LRMDA: variants seen among roughly 807,000 people sequenced by gnomAD.
The protein encoded by LRMDA is leucine-rich melanocyte differentiation-associated protein.
Under a neutral mutation model 29.8 loss-of-function variants are expected in LRMDA, and 18 were observed. The ratio of observed to expected loss-of-function variants is 0.60; its 90% CI spans 0.42 to 0.90. LRMDA has a LOEUF of 0.90. LRMDA is among the 40% of genes least tolerant of loss of function. The pLI is 0.00. For synonymous variants in LRMDA, 125 were observed against 109.4 expected (o/e 1.14, Z -0.89); for missense variants, 273 against 273.9 (o/e 1.00, Z 0.02).
intron 2 of LRMDA, among the ~76,000 whole-genome samples, chr10:75,893,084 G>A (rs1845521275): frequency 6.6e-6 from 1 of 152,218 alleles, no homozygotes; most frequent in African/African-American, 2.4e-5. Context: ...TTGGACTCGT[G>A]TGATAGGAAT....
intron 2 of LRMDA, among the ~76,000 whole-genome samples, chr10:75,891,874 T>C (rs1845497960): frequency 6.6e-6 from 1 of 152,144 alleles, no homozygotes; most frequent in Admixed American, 6.5e-5. Context: ...TCTGGACATA[T>C]TAAACTGGAG....
intron 5 of LRMDA, among the ~76,000 whole-genome samples, chr10:76,136,032 C>T (rs1027390819): frequency 1.3e-5 from 2 of 152,074 alleles, no homozygotes; most frequent in African/African-American, 2.4e-5. Context: ...AAGCAGGAGT[C>T]GTGTCATGTC....
intron 5 of LRMDA, among the ~76,000 whole-genome samples, chr10:76,090,085 G>A (rs1341767201): frequency 6.6e-6 from 1 of 152,172 alleles, no homozygotes; most frequent in Non-Finnish European, 1.5e-5. Context: ...GAGGAGAGAC[G>A]TCCTGAGATA....
At chr10:75,527,047 A>G (rs1192735306) in intron 2 of LRMDA, among the ~76,000 whole-genome samples, 1 of 152,036 alleles carries the variant, frequency 6.6e-6, no homozygotes, top group African/African-American at 2.4e-5. Flanking sequence ...CCCTCCCTCT[A>G]ACTCCTGGCA....
chr10:75,481,892 C>A (rs145697880), intron 2 of LRMDA, among the ~76,000 whole-genome samples: 1 of 152,170 alleles, frequency 6.6e-6, no homozygotes, highest in Non-Finnish European at 1.5e-5. Context: ...CTTACCCCCA[C>A]CTTTCCACCT....
chr10:76,262,584 G>A (rs1388941196), intron 5 of LRMDA, among the ~76,000 whole-genome samples: 10 of 152,112 alleles, frequency 6.6e-5, no homozygotes, highest in Admixed American at 5.9e-4. Context: ...ATATGTGTTC[G>A]GCACCTACAT....
At chr10:76,008,807 C>T (rs1213677066) in intron 2 of LRMDA, among the ~76,000 whole-genome samples, 1 of 152,250 alleles carries the variant, frequency 6.6e-6, no homozygotes, top group Non-Finnish European at 1.5e-5. Context: ...TTTCCTTAAA[C>T]ATAGTCATGG....
chr10:75,727,032 G>A (rs552290194), intron 2 of LRMDA, among the ~76,000 whole-genome samples: 10 of 152,292 alleles, frequency 6.6e-5, no homozygotes, highest in South Asian at 2.1e-4. Context: ...CACCTTTGAC[G>A]TTCCCAGTAA....
At chr10:75,996,874 A>G (rs1200468400) in intron 2 of LRMDA, among the ~76,000 whole-genome samples, 2 of 151,692 alleles carry the variant, frequency 1.3e-5, no homozygotes, top group Non-Finnish European at 2.9e-5. Flanking sequence ...CTGAGACTAC[A>G]GGCGCCCGCC....
At chr10:76,269,633 C>G (rs532737432) in intron 5 of LRMDA, among the ~76,000 whole-genome samples, 36 of 152,200 alleles carry the variant, frequency 2.4e-4, no homozygotes, top group African/African-American at 8.4e-4. Context: ...TTTGAAAGTT[C>G]CCTGGTCCCT....
intron 4 of LRMDA, among the ~76,000 whole-genome samples, chr10:76,054,120 A>G (rs1589305640): frequency 1.3e-5 from 2 of 152,196 alleles, no homozygotes; most frequent in African/African-American, 4.8e-5. Context: ...TAGCTGTTCC[A>G]TAATTATTGT....
At position 75,469,194 on chromosome 10, in the gene LRMDA, GA is replaced by G. The variant is rs201950116; in HGVS notation, c.131+30709del. On this transcript the variant is annotated intron_variant, in intron 2 of 6. Coordinates refer to ENST00000611255, the MANE Select transcript of LRMDA (RefSeq NM_001305581.2). ...CAAGAAATCTGCTGACATTTTAAAG[GA>G]AAAAAAAAGAGAGAGATGATTTATG... Among the ~76,000 whole-genome samples the G allele has an allele frequency of 1.8e-3, 264 of 150,030 alleles. 1 individual carries two copies. Among genetic ancestry groups the G allele is most frequent in the Middle Eastern group, 3.4e-3 (1 of 290 alleles).
chr10:76,369,967 A>G (rs1841433860), intron 6 of LRMDA, among the ~76,000 whole-genome samples: 1 of 152,176 alleles, frequency 6.6e-6, no homozygotes, highest in African/African-American at 2.4e-5. Context: ...GACAAATAAC[A>G]GTATCTGGAG....
intron 6 of LRMDA, among the ~76,000 whole-genome samples, chr10:76,393,676 A>C (rs1185087956): frequency 6.6e-6 from 1 of 151,958 alleles, no homozygotes; most frequent in Non-Finnish European, 1.5e-5. Flanking sequence ...TGTAATCCCA[A>C]TTATTTATTT....
intron 5 of LRMDA, among the ~76,000 whole-genome samples, chr10:76,084,194 C>CTATTTATT (rs113420141): frequency 0.03 from 4,575 of 150,688 alleles, 188 homozygotes; most frequent in African/African-American, 0.078. Context: ...TTTCTTTTCT[C>CTATTTATT]TATTTATTTA....
At chr10:76,281,463 T>C (rs891677558) in intron 5 of LRMDA, among the ~76,000 whole-genome samples, 2 of 152,092 alleles carry the variant, frequency 1.3e-5, no homozygotes, top group African/African-American at 4.8e-5. Context: ...AAACCCTAAT[T>C]CTATATCCAA....
chr10:75,904,982 A>C (rs930731039), intron 2 of LRMDA, among the ~76,000 whole-genome samples: 10 of 152,060 alleles, frequency 6.6e-5, no homozygotes, highest in African/African-American at 2.4e-4. Context: ...CAGTGGAAGG[A>C]GGGGAGAGAG....
chr10:75,537,922 A>C (rs1162428641), intron 2 of LRMDA, among the ~76,000 whole-genome samples: 1 of 152,162 alleles, frequency 6.6e-6, no homozygotes, highest in African/African-American at 2.4e-5. Flanking sequence ...TACCTCTTGA[A>C]AATCCTAACC....
intron 2 of LRMDA, among the ~76,000 whole-genome samples, chr10:75,462,366 G>C (rs1393671465): frequency 2.0e-5 from 3 of 152,208 alleles, no homozygotes; most frequent in Non-Finnish European, 4.4e-5. Flanking sequence ...ATCAGCGGCA[G>C]GTGTAGTCTC....
Sources: gnomAD v4.1 joint callset for allele counts (sites outside exome capture counted in the v4.1 genomes callset) on GRCh38, gnomAD v4.1.1 for gene constraint, MANE v1.5 for transcripts, NCBI Gene and HGNC (gene_info 2026-07-23, HGNC 2026-07-21) for gene names.